The following NPHP4 variants were observed in gnomAD, a reference collection of about 807,000 sequenced individuals.
The protein encoded by NPHP4 is nephrocystin 4.
A neutral mutation model predicts 155.8 loss-of-function variants in NPHP4; 151 were observed. That is an observed-to-expected ratio of 0.97 (90% CI 0.85 to 1.11). The LOEUF is 1.11. NPHP4 is among the 50% of genes least tolerant of loss of function. The pLI, the probability that NPHP4 is intolerant of heterozygous loss-of-function variation, is 0.00. For synonymous variants in NPHP4, 845 were observed against 816.8 expected, an observed-to-expected ratio of 1.03 and a Z score of -0.59; for missense variants, 1,956 against 1,925.7, an observed-to-expected ratio of 1.02 and a Z score of -0.29.
chr1:5,864,895 T>G lies in NPHP4; in HGVS notation c.3816+207A>C, dbSNP rs928126245. The G allele has an allele frequency of 1.8e-4, 105 of 569,646 alleles. No homozygotes were observed. The Admixed American group carries it at 1.9e-3, about 10-fold the overall frequency. 35.3% of individuals were successfully genotyped at this position (569,646 alleles called of 1,614,324 possible). Reference sequence around the variant, plus strand: ...GCCAGGAATTCTGAACACCGGCCTTTGGGGTTGGTGTGTACGTCACTCACC... The same window carrying G: ...GCCAGGAATTCTGAACACCGGCCTTGGGGGTTGGTGTGTACGTCACTCACC... On this transcript the variant is annotated intron_variant, in intron 27 of 29. Coordinates refer to ENST00000378156, the MANE Select transcript of NPHP4 (RefSeq NM_015102.5).
rs1474462809 is a variant in NPHP4, at chr1:5,950,761, C to T, written c.810+1939G>A. Among the ~76,000 whole-genome samples the T allele has an allele frequency of 2.0e-5, 3 of 152,136 alleles. No homozygotes were observed. The East Asian group carries it at 5.8e-4, about 29-fold the overall frequency. ...CGGACCAGCCAACTCATTGCAGGCCCATGAAGATTTTCCAAAAAAGTCCCT... is the reference window on the plus strand; with the variant it reads ...CGGACCAGCCAACTCATTGCAGGCCTATGAAGATTTTCCAAAAAAGTCCCT... On this transcript the variant is annotated intron_variant, in intron 7 of 29. Coordinates refer to ENST00000378156, the MANE Select transcript of NPHP4 (RefSeq NM_015102.5).
intron 12 of NPHP4, among the ~76,000 whole-genome samples, chr1:5,908,059 C>T (rs1230481498): frequency 6.6e-6 from 1 of 152,196 alleles, no homozygotes; most frequent in African/African-American, 2.4e-5. Context: ...CTGGCCCACA[C>T]CAGGTGCTGG....
intron 18 of NPHP4, 151 bp from the exon 19 acceptor site, chr1:5,880,390 G>A (rs573123901): frequency 1.4e-6 from 1 of 725,158 alleles, no homozygotes; most frequent in East Asian, 2.7e-5. Flanking sequence ...TGAATGTTTT[G>A]CAATTGAGAG....
intron 1 of NPHP4, among the ~76,000 whole-genome samples, chr1:5,991,162 G>C (rs1004934868): frequency 1.3e-5 from 2 of 152,066 alleles, no homozygotes; most frequent in African/African-American, 4.8e-5. Context: ...GGAGCTTTTG[G>C]GGAAGCAGAG....
intron 7 of NPHP4, among the ~76,000 whole-genome samples, chr1:5,951,682 C>A (rs1648091098): frequency 6.6e-6 from 1 of 152,234 alleles, no homozygotes; most frequent in Non-Finnish European, 1.5e-5. Context: ...GACAGTTCAT[C>A]AGGCCCAATT....
At chr1:5,946,114 C>A (rs1375905293) in intron 9 of NPHP4, among the ~76,000 whole-genome samples, 1 of 152,178 alleles carries the variant, frequency 6.6e-6, no homozygotes, top group Non-Finnish European at 1.5e-5. Flanking sequence ...CAGGACAAAA[C>A]CTAGTATGTA....
chr1:5,937,594 G>A (rs1014035720), intron 9 of NPHP4, among the ~76,000 whole-genome samples: 28 of 152,218 alleles, frequency 1.8e-4, no homozygotes, highest in African/African-American at 6.0e-4. Context: ...CACAGTGAAG[G>A]GGATGGCGGC....
intron 22 of NPHP4, chr1:5,873,712 A>G: frequency 3.0e-6 from 1 of 334,666 alleles, no homozygotes; most frequent in Non-Finnish European, 5.6e-6. Flanking sequence ...TCAAAAGCTG[A>G]AACACACACT....
chr1:5,975,941 G>A (rs1350059783), intron 3 of NPHP4, among the ~76,000 whole-genome samples: 2 of 152,210 alleles, frequency 1.3e-5, no homozygotes, highest in African/African-American at 4.8e-5. Flanking sequence ...GGCCTGCGCA[G>A]CACGGATCCT....
At chr1:5,893,047 G>A (rs537766018) in intron 16 of NPHP4, among the ~76,000 whole-genome samples, 3 of 152,184 alleles carry the variant, frequency 2.0e-5, no homozygotes, top group Non-Finnish European at 2.9e-5. Context: ...CAACTCCCAC[G>A]GTGGCAGGGG....
rs373607911 is a variant in NPHP4 at position 5,905,333 on chromosome 1, T to C, written c.1914A>G (p.Leu638=). The change falls in exon 15 of 30, where the codon CTA becomes CTG. Residue 638 remains leucine, a synonymous_variant. Transcript: ENST00000378156. The surrounding 1 kb of genome is among the most constrained non-coding windows in gnomAD (Gnocchi z 4.0). ...FNPQKEESDC[L]QSNEMVLQFL... is the part of the protein sequence containing the mutation. ...ACTGTAGCACCATCTCGTTGCTTTG[T>C]AGACAATCTGATTCTTCCTTCTGAG... 1.2e-5 allele frequency: 20 copies of C among 1,613,844 alleles called. No individual in the cohort carries two copies. The East Asian group carries it at 2.0e-4, about 16-fold the overall frequency.
At chr1:5,874,747 G>A in intron 21 of NPHP4, 90 bp from the exon 22 acceptor site, 3 of 1,524,032 alleles carry the variant, frequency 2.0e-6, no homozygotes, top group Non-Finnish European at 1.8e-6. Flanking sequence ...GCGGTGCTCA[G>A]AGGAGTGGGA....
At chr1:5,981,600 A>G (rs1654711042) in intron 2 of NPHP4, among the ~76,000 whole-genome samples, 1 of 152,240 alleles carries the variant, frequency 6.6e-6, no homozygotes, top group Non-Finnish European at 1.5e-5. Context: ...AGCTTTGGCC[A>G]TTATCTAAAG....
At chr1:5,874,413 C>T in intron 22 of NPHP4, 58 bp downstream of exon 22, 1 of 1,429,580 alleles carries the variant, frequency 7.0e-7, no homozygotes, top group Non-Finnish European at 9.3e-7. Context: ...TGGAAGCATT[C>T]TCAATTTCCC....
chr1:5,961,571 A>G (rs890720241), intron 6 of NPHP4, among the ~76,000 whole-genome samples: 7 of 152,202 alleles, frequency 4.6e-5, no homozygotes, highest in Admixed American at 1.3e-4. Context: ...GCAGCCAGAA[A>G]TGACTCGAAG....
At chr1:5,948,375 G>C (rs1027323975) in intron 7 of NPHP4, 124 bp from the exon 8 acceptor site, 2 of 681,780 alleles carry the variant, frequency 2.9e-6, no homozygotes, top group Non-Finnish European at 4.8e-6. Flanking sequence ...CTGCAGATCA[G>C]ATGATGCTTA....
intron 9 of NPHP4, among the ~76,000 whole-genome samples, chr1:5,938,803 ACATCAGAATCGTCTGAAT>A (rs1646678282): frequency 6.6e-6 from 1 of 152,272 alleles, no homozygotes; most frequent in African/African-American, 2.4e-5. Context: ...TCTAAACAGA[ACATCAGAATCGTCTGAAT>A]CATCAGAATC....
rs137928393 is a variant in NPHP4, at chr1:5,968,919, T to C, written c.452+168A>G. Among the ~76,000 whole-genome samples, 19 of 150,930 alleles carry C rather than the reference T, an allele frequency of 1.3e-4. 1 individual carries two copies. The highest frequency in any genetic ancestry group is 4.4e-4 in the African/African-American group (18 of 41,038). On this transcript the variant is annotated intron_variant, in intron 4 of 29. Transcript: ENST00000378156. ...CGTGGCACCTGTAATCCCACCTACT[T>C]GGGAGGCTGAGGCACGAGAATCGCT...
chr1:5,877,338 T>C (rs1642723046), intron 19 of NPHP4, 40 bp from the exon 20 acceptor site: 1 of 1,513,878 alleles, frequency 6.6e-7, no homozygotes, highest in East Asian at 2.4e-5. Flanking sequence ...AGACGTGCAG[T>C]GTCTGCCTTC....
Sources: allele counts gnomAD v4.1 joint callset (sites outside exome capture counted in the v4.1 genomes callset), GRCh38; gene constraint gnomAD v4.1.1; non-coding constraint Gnocchi (gnomAD v3.1); transcripts MANE v1.5; gene names NCBI Gene and HGNC (gene_info 2026-07-23, HGNC 2026-07-21).